The following C12orf42 variants were observed in gnomAD, a reference collection of about 807,000 sequenced individuals.
C12orf42 encodes the protein uncharacterized protein C12orf42.
In C12orf42, 25 loss-of-function variants were observed where a neutral mutation model predicts 21.6. That is an observed-to-expected ratio of 1.16 (90% confidence interval 0.84 to 1.62). C12orf42 has a LOEUF of 1.62. Ranked by LOEUF, C12orf42 falls within the 40% of genes most tolerant of loss-of-function variation. C12orf42 has a pLI of 0.00. For missense variants in C12orf42, 483 were observed against 459.3 expected (o/e 1.05, Z -0.47); for synonymous variants, 174 against 175.0 (o/e 0.99, Z 0.05).
At chr12:103,414,466 C>T (rs1056132126) in intron 2 of C12orf42, among the ~76,000 whole-genome samples, 1 of 151,918 alleles carries the variant, frequency 6.6e-6, no homozygotes, top group East Asian at 1.9e-4. Context: ...GCATTGAATC[C>T]GTACATTTCT....
intron 2 of C12orf42, among the ~76,000 whole-genome samples, chr12:103,413,910 A>G (rs1566271016): frequency 1.3e-5 from 2 of 152,024 alleles, no homozygotes. Flanking sequence ...TCATTGGTTG[A>G]TGTACATTTA....
intron 4 of C12orf42, among the ~76,000 whole-genome samples, chr12:103,294,559 AAG>A (rs1448645424): frequency 1.4e-5 from 2 of 139,792 alleles, no homozygotes; most frequent in Non-Finnish European, 3.1e-5. Flanking sequence ...GAAAGAAAGA[AAG>A]AAAAAGAAAG....
the C12orf42 span, among the ~76,000 whole-genome samples, chr12:103,137,697 C>T: frequency 2.6e-5 from 4 of 152,178 alleles, no homozygotes; most frequent in African/African-American, 9.6e-5. Flanking sequence ...ATCCATAAAA[C>T]ATAGAAATCA....
intron 4 of C12orf42, among the ~76,000 whole-genome samples, chr12:103,317,990 T>A (rs2039687399): frequency 6.6e-6 from 1 of 152,198 alleles, no homozygotes; most frequent in African/African-American, 2.4e-5. Context: ...AGCCCAGTCT[T>A]ATGTTGTTTT....
intron 1 of C12orf42, among the ~76,000 whole-genome samples, chr12:103,494,567 C>A (rs967242948): frequency 4.6e-5 from 7 of 151,452 alleles, no homozygotes; most frequent in African/African-American, 9.7e-5. Flanking sequence ...AAAAAAAAAA[C>A]CACTATCTGC....
the C12orf42 span, chr12:103,558,724 A>T: frequency 2.0e-5 from 3 of 152,186 alleles, no homozygotes. Flanking sequence ...CCAGGCCTAG[A>T]CCCTTGACAG....
At chr12:103,529,917 C>T in the C12orf42 span, among the ~76,000 whole-genome samples, 9 of 152,154 alleles carry the variant, frequency 5.9e-5, no homozygotes, top group Non-Finnish European at 1.0e-4. Context: ...AGCATTCCCC[C>T]ATGACACTTT....
At chr12:103,169,037 C>T in the C12orf42 span, among the ~76,000 whole-genome samples, 1 of 151,938 alleles carries the variant, frequency 6.6e-6, no homozygotes, top group Non-Finnish European at 1.5e-5. Flanking sequence ...AGAGGTATAG[C>T]ATTAGGAGAA....
the C12orf42 span, among the ~76,000 whole-genome samples, chr12:103,073,155 A>G: frequency 6.6e-6 from 1 of 152,134 alleles, no homozygotes; most frequent in African/African-American, 2.4e-5. Context: ...AGAGGGGAAC[A>G]ACACACAGTG....
At chr12:103,443,093 A>G (rs554458266) in intron 2 of C12orf42, among the ~76,000 whole-genome samples, 3 of 152,274 alleles carry the variant, frequency 2.0e-5, no homozygotes, top group Admixed American at 2.0e-4. Flanking sequence ...AGTAACTTCT[A>G]TATATTAGAA....
chr12:103,382,530 T>A (rs886988125), intron 3 of C12orf42, among the ~76,000 whole-genome samples: 6 of 152,118 alleles, frequency 3.9e-5, no homozygotes, highest in Non-Finnish European at 7.4e-5. Context: ...CCTAATGAGA[T>A]CTACTAAAGA....
chr12:103,378,327 T>A (rs1409183198), intron 3 of C12orf42, among the ~76,000 whole-genome samples: 5 of 152,218 alleles, frequency 3.3e-5, no homozygotes, highest in Non-Finnish European at 5.9e-5. Context: ...TTTTGTCCTG[T>A]GGCTTTCCAT....
At chr12:103,356,919 C>T (rs1372410825) in intron 4 of C12orf42, among the ~76,000 whole-genome samples, 1 of 151,910 alleles carries the variant, frequency 6.6e-6, no homozygotes, top group Admixed American at 6.6e-5. Context: ...TAGAGTGGCA[C>T]ATATACACCA....
chr12:103,167,616 C>T, the C12orf42 span, among the ~76,000 whole-genome samples: 11 of 152,150 alleles, frequency 7.2e-5, no homozygotes, highest in Non-Finnish European at 1.3e-4. Flanking sequence ...GCTCCTCATT[C>T]ACTATTGGCC....
chr12:103,531,747 C>T, the C12orf42 span, among the ~76,000 whole-genome samples: 2 of 152,124 alleles, frequency 1.3e-5, no homozygotes, highest in Non-Finnish European at 2.9e-5. Context: ...TGTTTAAAGA[C>T]CAAGGCCCTA....
At chr12:103,075,054 C>G in the C12orf42 span, among the ~76,000 whole-genome samples, 14 of 152,100 alleles carry the variant, frequency 9.2e-5, no homozygotes, top group Non-Finnish European at 2.1e-4. Context: ...TGCCATTGCA[C>G]TCCAGCCTGG....
intron 4 of C12orf42, among the ~76,000 whole-genome samples, chr12:103,323,780 A>G (rs1041330274): frequency 6.6e-6 from 1 of 152,222 alleles, no homozygotes; most frequent in African/African-American, 2.4e-5. Context: ...AGAAAAAAGA[A>G]AGCTAGTATC....
At chr12:103,512,873 G>A in the C12orf42 span, among the ~76,000 whole-genome samples, 1 of 152,006 alleles carries the variant, frequency 6.6e-6, no homozygotes, top group Admixed American at 6.6e-5. Context: ...GTGGTGGTGG[G>A]TGCCTGTAAT....
At chr12:103,216,749 T>C in the C12orf42 span, among the ~76,000 whole-genome samples, 2 of 152,144 alleles carry the variant, frequency 1.3e-5, no homozygotes, top group Non-Finnish European at 2.9e-5. Flanking sequence ...ATTTTTCAGA[T>C]GCAGAACCAA....
Sources: gnomAD v4.1 joint callset for allele counts (sites outside exome capture counted in the v4.1 genomes callset) on GRCh38, gnomAD v4.1.1 for gene constraint, MANE v1.5 for transcripts, NCBI Gene and HGNC (gene_info 2026-07-23, HGNC 2026-07-21) for gene names.